GDF6: variants seen among roughly 807,000 people sequenced by gnomAD.
GDF6 encodes the protein growth differentiation factor 6.
GDF6 carries 3 observed loss-of-function variants against 32.4 expected under a neutral mutation model. That is an observed-to-expected ratio of 0.09 (90% CI 0.04 to 0.24). The LOEUF is 0.24. Ranked by LOEUF, GDF6 falls within the 10% of genes least tolerant of loss-of-function variation. The pLI is 1.00. For synonymous variants in GDF6, 296 were observed against 295.3 expected, an observed-to-expected ratio of 1.00 and a Z score of -0.03; for missense variants, 589 against 637.9, an observed-to-expected ratio of 0.92 and a Z score of 0.83.
At chr8:96,149,091 C>T (rs1337186642) in intron 1 of GDF6, among the ~76,000 whole-genome samples, 4 of 152,182 alleles carry the variant, frequency 2.6e-5, no homozygotes, top group Admixed American at 2.6e-4. Flanking sequence ...GCCCTTCATA[C>T]TCCGTTCCAA....
intron 1 of GDF6, among the ~76,000 whole-genome samples, chr8:96,159,755 C>A (rs1435202033): frequency 6.6e-6 from 1 of 152,242 alleles, no homozygotes; most frequent in Non-Finnish European, 1.5e-5. Flanking sequence ...GGAAAACCCG[C>A]GCGGCGCCAG....
At chr8:96,153,039 C>A (rs558539018) in intron 1 of GDF6, among the ~76,000 whole-genome samples, 20 of 152,338 alleles carry the variant, frequency 1.3e-4, no homozygotes, top group African/African-American at 4.6e-4. Flanking sequence ...AACAGCTTCG[C>A]ACCCCTCACC....
Position 96,160,447 on chromosome 8 carries a change from C to T in GDF6, c.246G>A (p.Ala82=). ...QDEPRAQQPR[A]QEPPGRGPRV... is the part of the protein sequence containing the mutation. ...GCGGACCCCTGCCTGGCGGCTCCTGCGCCCGGGGCTGCTGAGCCCGGGGTT... is the reference window on the plus strand; with the variant it reads ...GCGGACCCCTGCCTGGCGGCTCCTGTGCCCGGGGCTGCTGAGCCCGGGGTT... Residue 82 remains alanine, a synonymous_variant, in exon 1 of 2, where the codon GCG becomes GCA. Transcript: ENST00000287020. 1 of 1,613,716 alleles carries T rather than the reference C, an allele frequency of 6.2e-7. No individual in the cohort carries two copies. Among genetic ancestry groups the T allele is most frequent in the Non-Finnish European group, 8.5e-7 (1 of 1,179,800 alleles).
In GDF6 at chr8:96,145,544, T is replaced by G. The variant is rs536565151; in HGVS notation, c.407-20A>C. 8.1e-5 allele frequency: 130 copies of G among 1,597,214 alleles called. No individual in the cohort carries two copies. In the East Asian group the frequency reaches 2.8e-3, roughly 35 times the overall value. On this transcript the variant is annotated intron_variant, in intron 1 of 1. Coordinates refer to ENST00000287020, the MANE Select transcript of GDF6 (RefSeq NM_001001557.4). This position sits in a 1 kb window ranked among gnomAD's most constrained non-coding sequence, Gnocchi z 5.6. ...GATCGTCTGCGAGATAAAAAATAAT[T>G]ACAGTCAGTTTCACTTAAGGGGGAG...
chr8:96,155,504 T>G (rs1472004935), intron 1 of GDF6, among the ~76,000 whole-genome samples: 1 of 152,238 alleles, frequency 6.6e-6, no homozygotes, highest in Non-Finnish European at 1.5e-5. Flanking sequence ...CCAGGCTTTT[T>G]GCAGGACCTT....
intron 1 of GDF6, among the ~76,000 whole-genome samples, chr8:96,157,591 C>G (rs1812690100): frequency 6.6e-6 from 1 of 152,164 alleles, no homozygotes; most frequent in Non-Finnish European, 1.5e-5. Flanking sequence ...TGGCCCAGCT[C>G]TAGGCGGGCC....
At position 96,158,071 on chromosome 8, in the gene GDF6, C is replaced by G. The variant is rs1367832853; in HGVS notation, c.406+2216G>C. Reference sequence around the variant, plus strand: ...GCCTTTCTTCGCATTTTCTGAGAACCCGGAGACGCGGAGGAGACAGCGCCT... The same window carrying G: ...GCCTTTCTTCGCATTTTCTGAGAACGCGGAGACGCGGAGGAGACAGCGCCT... On this transcript the variant is annotated intron_variant, in intron 1 of 1. Coordinates refer to ENST00000287020, the MANE Select transcript of GDF6 (RefSeq NM_001001557.4). Among the ~76,000 whole-genome samples, 3 of 152,170 alleles carry G rather than the reference C, an allele frequency of 2.0e-5. No individual in the cohort carries two copies. The East Asian group carries it at 5.8e-4, about 30-fold the overall frequency.
Position 96,144,219 on chromosome 8 carries a change from A to C in GDF6, c.*344T>G. 3.3e-6 allele frequency: 1 copy of C among 302,270 alleles called. No homozygotes were observed. Among genetic ancestry groups the C allele is most frequent in the East Asian group, 8.0e-5 (1 of 12,574 alleles). 18.7% of individuals were successfully genotyped at this position (302,270 alleles called of 1,614,324 possible). A position where few individuals can be genotyped will look rare whatever the true frequency, so the allele number is the denominator to read the frequency against. ...CCTTCTATCAAAGCCTGTAAGACACATAAGGAAATCCAAAGCCACAGTAAT... is the reference window on the plus strand; with the variant it reads ...CCTTCTATCAAAGCCTGTAAGACACCTAAGGAAATCCAAAGCCACAGTAAT... On this transcript the variant is annotated 3_prime_UTR_variant, in exon 2 of 2. Coordinates refer to ENST00000287020, the MANE Select transcript of GDF6 (RefSeq NM_001001557.4). The surrounding 1 kb of genome is among the most constrained non-coding windows in gnomAD (Gnocchi z 5.1).
intron 1 of GDF6, among the ~76,000 whole-genome samples, chr8:96,149,921 C>T (rs968194191): frequency 1.3e-5 from 2 of 152,186 alleles, no homozygotes; most frequent in Admixed American, 6.5e-5. Context: ...GGACTCTGTG[C>T]GCTTGCCCAC....
chr8:96,150,237 T>TGAGTAC (rs1285713935), intron 1 of GDF6, among the ~76,000 whole-genome samples: 1 of 152,124 alleles, frequency 6.6e-6, no homozygotes, highest in African/African-American at 2.4e-5. Flanking sequence ...CTCACATCTC[T>TGAGTAC]GAGTACGCAG....
rs903826881 is a variant in GDF6, at chr8:96,145,308, G to T, written c.623C>A (p.Pro208Gln). 9.8e-6 allele frequency: 15 copies of T among 1,531,516 alleles called. No homozygotes were observed. The highest frequency in any genetic ancestry group is 2.6e-6 in the Non-Finnish European group (3 of 1,145,304). 94.9% of individuals were successfully genotyped at this position (1,531,516 alleles called of 1,614,324 possible). A position where few individuals can be genotyped will look rare whatever the true frequency, so the allele number is the denominator to read the frequency against. ...GTCGAAGACTTCCCAGCCGGCCGGC[G>T]GCGCCCCCTGCGGGTCCAGGGTCCG... ...DARTLDPQGA[P>Q]PAGWEVFDVW... Residue 208 changes from proline (P) to glutamine (Q), a missense_variant, in exon 2 of 2, where the codon CCG becomes CAG. Physicochemically the swap from Pro to Gln is moderately conservative, Grantham distance 76. Around this residue, in one of 2 missense-constraint regions of GDF6, gnomAD observed 436 missense variants for 411.2 expected, o/e 1.06. Transcript: ENST00000287020. The surrounding 1 kb of genome is among the most constrained non-coding windows in gnomAD (Gnocchi z 5.6).
rs1370445465 is a variant in GDF6 at position 96,144,289 on chromosome 8, A to AGAGAGAGG, written c.*273_*274insCCTCTCTC. Reference sequence around the variant, plus strand: ...GAGAGAGAGAGAGAGAGAGAGAGAGAGAAAACAGAACAAAAGAAATCCTCC... The same window carrying AGAGAGAGG: ...GAGAGAGAGAGAGAGAGAGAGAGAGAGAGAGAGGGAAAACAGAACAAAAGAAATCCTCC... On this transcript the variant is annotated 3_prime_UTR_variant, in exon 2 of 2. Transcript: ENST00000287020. The surrounding 1 kb of genome is among the most constrained non-coding windows in gnomAD (Gnocchi z 5.1). 1.5e-3 allele frequency: 732 copies of AGAGAGAGG among 495,946 alleles called. 17 individuals are homozygous for AGAGAGAGG. The African/African-American group carries it at 0.016, about 11-fold the overall frequency. 30.7% of individuals were successfully genotyped at this position (495,946 alleles called of 1,614,324 possible). A position where few individuals can be genotyped will look rare whatever the true frequency, so the allele number is the denominator to read the frequency against.
chr8:96,159,079 C>T (rs1812717323), intron 1 of GDF6, among the ~76,000 whole-genome samples: 1 of 152,140 alleles, frequency 6.6e-6, no homozygotes, highest in Non-Finnish European at 1.5e-5. Flanking sequence ...CTTCCGAATC[C>T]CGAACCCCAG....
At chr8:96,159,189 C>T (rs1812719299) in intron 1 of GDF6, among the ~76,000 whole-genome samples, 1 of 152,188 alleles carries the variant, frequency 6.6e-6, no homozygotes, top group South Asian at 2.1e-4. Context: ...GCCTAAATCG[C>T]TTTTATCCCG....
chr8:96,144,549 C>A lies in GDF6; in HGVS notation c.*14G>T, dbSNP rs1006798221. 6.2e-7 allele frequency: 1 copy of A among 1,612,796 alleles called. No individual in the cohort carries two copies. The highest frequency in any genetic ancestry group is 1.7e-5 in the Admixed American group (1 of 59,894). On this transcript the variant is annotated 3_prime_UTR_variant, in exon 2 of 2. Transcript: ENST00000287020. This position sits in a 1 kb window ranked among gnomAD's most constrained non-coding sequence, Gnocchi z 5.1. ...CCACCTTGGTTCCGGGCCAAGGCGG[C>A]GGGAAAGGCACCGCTACCTGCAGCC...
intron 1 of GDF6, among the ~76,000 whole-genome samples, chr8:96,153,943 G>C (rs141873976): frequency 1.3e-5 from 2 of 152,252 alleles, no homozygotes; most frequent in African/African-American, 4.8e-5. Context: ...AGTGAGATTC[G>C]TGGGCCCTAG....
At chr8:96,147,663 T>C (rs1456621558) in intron 1 of GDF6, among the ~76,000 whole-genome samples, 1 of 152,206 alleles carries the variant, frequency 6.6e-6, no homozygotes, top group Non-Finnish European at 1.5e-5. Context: ...AGCCAGAAAG[T>C]GGTGAGGCTA....
chr8:96,159,262 C>A lies in GDF6; in HGVS notation c.406+1025G>T, dbSNP rs563134162. Among the ~76,000 whole-genome samples, 8 of 152,226 alleles carry A rather than the reference C, an allele frequency of 5.3e-5. No individual in the cohort carries two copies. The South Asian group carries it at 1.5e-3, about 28-fold the overall frequency. On this transcript the variant is annotated intron_variant, in intron 1 of 1. Transcript: ENST00000287020. The stretch of plus-strand genomic sequence containing the variant: ...TTTTTCTCCCTTCCTTTCCTGTCTC[C>A]TTCCACATTATTGTCTCTCTCCTTT...
At position 96,142,765 on chromosome 8, in the gene GDF6, A is replaced by T. The variant is rs1489808770; in HGVS notation, c.*1798T>A. ...CCAAAGCAAATGTGCATTTTAAATT[A>T]TTTCTCCTGGCCAAGTCTTTTTTTC... On this transcript the variant is annotated 3_prime_UTR_variant, in exon 2 of 2. Coordinates refer to ENST00000287020, the MANE Select transcript of GDF6 (RefSeq NM_001001557.4). 2 of 152,568 alleles carry T rather than the reference A, an allele frequency of 1.3e-5. No homozygotes were observed. The highest frequency in any genetic ancestry group is 2.9e-5 in the Non-Finnish European group (2 of 68,040). 9.5% of individuals were successfully genotyped at this position (152,568 alleles called of 1,614,324 possible).
Sources: allele counts gnomAD v4.1 joint callset (sites outside exome capture counted in the v4.1 genomes callset), GRCh38; gene constraint gnomAD v4.1.1; regional missense constraint gnomAD v4.1.1; non-coding constraint Gnocchi (gnomAD v3.1); transcripts MANE v1.5; gene names NCBI Gene and HGNC (gene_info 2026-07-23, HGNC 2026-07-21).